GALNT18: variants seen among roughly 807,000 people sequenced by gnomAD.
GALNT18 encodes the protein GalNAc-transferase 18.
Under a neutral mutation model 69.5 loss-of-function variants are expected in GALNT18, and 44 were observed. The observed-to-expected ratio is 0.63, with a 90% CI of 0.50 to 0.81. The LOEUF is 0.81. Among genes scored for constraint, GALNT18 ranks in the 40% least tolerant of loss-of-function variants. The probability of loss-of-function intolerance (pLI) is 0.00; values close to 1 mark genes in which losing one functional copy is unlikely to be tolerated. For missense variants in GALNT18, 715 were observed against 810.0 expected (o/e 0.88, Z 1.42); for synonymous variants, 364 against 318.2 (o/e 1.14, Z -1.53).
rs1252002801 is a variant in GALNT18 at position 11,377,816 on chromosome 11, A to G, written c.780-437T>C. Reference sequence around the variant, plus strand: ...GAAAAGACAGATGAGGATGGCAGAGACTAGGAGCTGAGAACAAACCTACAT... The same window carrying G: ...GAAAAGACAGATGAGGATGGCAGAGGCTAGGAGCTGAGAACAAACCTACAT... On this transcript the variant is annotated intron_variant, in intron 4 of 10. Transcript: ENST00000227756. The surrounding 1 kb of genome is among the most constrained non-coding windows in gnomAD (Gnocchi z 4.6). Among the ~76,000 whole-genome samples, 1 of 152,188 alleles carries G rather than the reference A, an allele frequency of 6.6e-6. No individual in the cohort carries two copies. Among genetic ancestry groups the G allele is most frequent in the South Asian group, 2.1e-4 (1 of 4,828 alleles).
chr11:11,278,445 A>C (rs1015542445), intron 10 of GALNT18, among the ~76,000 whole-genome samples: 1 of 151,940 alleles, frequency 6.6e-6, no homozygotes, highest in Non-Finnish European at 1.5e-5. Flanking sequence ...GCAAACCACC[A>C]TGGCACGTGT....
At chr11:11,333,608 G>C (rs561258255) in intron 7 of GALNT18, among the ~76,000 whole-genome samples, 1 of 152,260 alleles carries the variant, frequency 6.6e-6, no homozygotes, top group South Asian at 2.1e-4. Context: ...CTCGGACCAA[G>C]TCCTTGCAGG....
At chr11:11,566,179 G>A (rs1232824617) in intron 1 of GALNT18, among the ~76,000 whole-genome samples, 1 of 152,198 alleles carries the variant, frequency 6.6e-6, no homozygotes, top group African/African-American at 2.4e-5. Context: ...CACAGGTTGG[G>A]AAACTTTTTC....
chr11:11,353,519 A>T (rs1382041969), intron 6 of GALNT18, among the ~76,000 whole-genome samples: 1 of 152,150 alleles, frequency 6.6e-6, no homozygotes, highest in East Asian at 1.9e-4. Context: ...TGTTTAATTT[A>T]TACTTTCCTA....
rs562544605 is a variant in GALNT18 at position 11,538,923 on chromosome 11, C to T, written c.235+82436G>A. On this transcript the variant is annotated intron_variant, in intron 1 of 10. Transcript: ENST00000227756. The surrounding 1 kb of genome is among the most constrained non-coding windows in gnomAD (Gnocchi z 5.2). ...AAAGATGCTTTGTCAACAGAGGTGC[C>T]CCCCAGATCCCTGGGTGCCGTGGGC... 1.4e-4 allele frequency among the ~76,000 whole-genome samples: 22 copies of T among 152,238 alleles called. No homozygotes were observed. Among genetic ancestry groups the T allele is most frequent in the Admixed American group, 4.6e-4 (7 of 15,306 alleles).
At chr11:11,343,345 G>A (rs967910827) in intron 6 of GALNT18, among the ~76,000 whole-genome samples, 1 of 151,750 alleles carries the variant, frequency 6.6e-6, no homozygotes, top group African/African-American at 2.4e-5. Flanking sequence ...GTGAGACCCT[G>A]TCTCAAAAAA....
chr11:11,393,405 C>T (rs377621688), intron 3 of GALNT18, among the ~76,000 whole-genome samples: 1 of 152,300 alleles, frequency 6.6e-6, no homozygotes, highest in East Asian at 1.9e-4. Context: ...TTCTGGAAAC[C>T]TTGTGTATTT....
Position 11,511,167 on chromosome 11 carries a change from T to C in GALNT18, c.236-62231A>G, listed in dbSNP as rs1044338181. Among the ~76,000 whole-genome samples, 2 of 152,034 alleles carry C rather than the reference T, an allele frequency of 1.3e-5. No homozygotes were observed. Among genetic ancestry groups the C allele is most frequent in the Non-Finnish European group, 2.9e-5 (2 of 68,004 alleles). ...GCCCCTCCTTTTGGACTGAATGAGG[T>C]TTCTCGCTGTGAATAATGGCATTGA... On this transcript the variant is annotated intron_variant, in intron 1 of 10. Transcript: ENST00000227756. This position sits in a 1 kb window ranked among gnomAD's most constrained non-coding sequence, Gnocchi z 4.9.
At chr11:11,484,762 G>A (rs1856608724) in intron 1 of GALNT18, among the ~76,000 whole-genome samples, 1 of 152,100 alleles carries the variant, frequency 6.6e-6, no homozygotes, top group South Asian at 2.1e-4. Context: ...CCCAAGTTAT[G>A]GGGGGACCTT....
intron 1 of GALNT18, among the ~76,000 whole-genome samples, chr11:11,551,715 C>G (rs746268469): frequency 1.3e-5 from 2 of 152,190 alleles, no homozygotes; most frequent in Non-Finnish European, 2.9e-5. Context: ...AAGAGACCAC[C>G]AAACAGGCTT....
intron 9 of GALNT18, among the ~76,000 whole-genome samples, chr11:11,319,534 T>A (rs1307409663): frequency 4.6e-5 from 7 of 152,220 alleles, no homozygotes; most frequent in Non-Finnish European, 1.0e-4. Flanking sequence ...GGAGTTATGC[T>A]GCTACAAGCC....
In GALNT18 at chr11:11,592,277, TA is replaced by T. The variant is rs1450098392; in HGVS notation, c.235+29081del. On this transcript the variant is annotated intron_variant, in intron 1 of 10. Transcript: ENST00000227756. The surrounding 1 kb of genome is among the most constrained non-coding windows in gnomAD (Gnocchi z 5.9). The stretch of plus-strand genomic sequence containing the variant: ...TAATCAATGCCCGGAAGTGAAATGC[TA>T]AGAAATTATATGCACGGTTACGAAA... 1.3e-5 allele frequency among the ~76,000 whole-genome samples: 2 copies of T among 152,164 alleles called. No individual in the cohort carries two copies. The highest frequency in any genetic ancestry group is 4.8e-5 in the African/African-American group (2 of 41,434).
chr11:11,488,519 A>C (rs1856690076), intron 1 of GALNT18, among the ~76,000 whole-genome samples: 1 of 152,150 alleles, frequency 6.6e-6, no homozygotes, highest in Admixed American at 6.5e-5. Context: ...CTGTATTCAG[A>C]TTATGGAGAT....
At chr11:11,509,862 A>G (rs1857134740) in intron 1 of GALNT18, among the ~76,000 whole-genome samples, 1 of 152,232 alleles carries the variant, frequency 6.6e-6, no homozygotes, top group Non-Finnish European at 1.5e-5. Context: ...CATGGTGACA[A>G]TTGGAGAGCA....
rs1277159407 is a variant in GALNT18 at position 11,586,251 on chromosome 11, C to T, written c.235+35108G>A. On this transcript the variant is annotated intron_variant, in intron 1 of 10. Coordinates refer to ENST00000227756, the MANE Select transcript of GALNT18 (RefSeq NM_198516.3). This position sits in a 1 kb window ranked among gnomAD's most constrained non-coding sequence, Gnocchi z 4.1. ...GTTCTTTTTCACAAAAAGTGTGCTA[C>T]TTATGTTAATTTATGTAATTGGGTT... Among the ~76,000 whole-genome samples, 4 of 152,080 alleles carry T rather than the reference C, an allele frequency of 2.6e-5. No individual in the cohort carries two copies. Among genetic ancestry groups the T allele is most frequent in the Admixed American group, 6.5e-5 (1 of 15,278 alleles).
chr11:11,318,621 C>T lies in GALNT18; in HGVS notation c.1512+8465G>A, dbSNP rs1564893349. Among the ~76,000 whole-genome samples the T allele has an allele frequency of 6.6e-6, 1 of 152,104 alleles. No individual in the cohort carries two copies. Among genetic ancestry groups the T allele is most frequent in the Admixed American group, 6.5e-5 (1 of 15,268 alleles). On this transcript the variant is annotated intron_variant, in intron 9 of 10. Transcript: ENST00000227756. The surrounding 1 kb of genome is among the most constrained non-coding windows in gnomAD (Gnocchi z 5.1). ...AGCTTGTGGTACTTTGTTACGGAAG[C>T]CCTGGGAAACTTCTGCAGGGGAAAA... is the stretch of plus-strand genomic sequence containing the variant.
At chr11:11,410,934 C>T (rs1854712319) in intron 3 of GALNT18, among the ~76,000 whole-genome samples, 1 of 152,194 alleles carries the variant, frequency 6.6e-6, no homozygotes, top group Admixed American at 6.5e-5. Flanking sequence ...AAGACAGCCT[C>T]CTGCTAGGAC....
intron 1 of GALNT18, among the ~76,000 whole-genome samples, chr11:11,484,160 T>C (rs1856592786): frequency 6.6e-6 from 1 of 152,180 alleles, no homozygotes; most frequent in Non-Finnish European, 1.5e-5. Flanking sequence ...ATTATCAAAA[T>C]TCGCCTAGCT....
Position 11,562,671 on chromosome 11 carries a change from A to G in GALNT18, c.235+58688T>C, listed in dbSNP as rs1329223518. ...TCTGCAAATAGCAAAGCAAGTCAGC[A>G]GAGGAGCAAACAAAGTATTACATAT... On this transcript the variant is annotated intron_variant, in intron 1 of 10. Transcript: ENST00000227756. This position sits in a 1 kb window ranked among gnomAD's most constrained non-coding sequence, Gnocchi z 4.1. Among the ~76,000 whole-genome samples the G allele has an allele frequency of 6.6e-6, 1 of 152,208 alleles. No homozygotes were observed. Among genetic ancestry groups the G allele is most frequent in the Admixed American group, 6.5e-5 (1 of 15,284 alleles).
Sources: allele counts gnomAD v4.1 joint callset (sites outside exome capture counted in the v4.1 genomes callset), GRCh38; gene constraint gnomAD v4.1.1; non-coding constraint Gnocchi (gnomAD v3.1); transcripts MANE v1.5; gene names NCBI Gene and HGNC (gene_info 2026-07-23, HGNC 2026-07-21).